RSU1: variants seen among roughly 807,000 people sequenced by gnomAD.
RSU1 encodes Ras suppressor protein 1, also known as rsu-1.
RSU1 carries 26 observed loss-of-function variants against 31.1 expected under a neutral mutation model. The ratio of observed to expected loss-of-function variants is 0.84; its 90% CI spans 0.61 to 1.16. The LOEUF is 1.16. Ranked by LOEUF, RSU1 falls within the 50% of genes most tolerant of loss-of-function variation. The probability of loss-of-function intolerance (pLI) is 0.00; values close to 1 mark genes in which losing one functional copy is unlikely to be tolerated. For synonymous variants in RSU1, 164 were observed against 136.3 expected (o/e 1.20, Z -1.41); for missense variants, 320 against 339.1 (o/e 0.94, Z 0.44).
chr10:16,691,337 T>C (rs1870149), intron 8 of RSU1, among the ~76,000 whole-genome samples: 112,869 of 149,976 alleles, frequency 0.75, 43,419 homozygotes, highest in African/African-American at 0.91. Flanking sequence ...GAAAATCAGT[T>C]TGTGTTAATC....
chr10:16,740,724 A>G (rs1005965336), intron 7 of RSU1, among the ~76,000 whole-genome samples: 5 of 152,344 alleles, frequency 3.3e-5, no homozygotes, highest in African/African-American at 1.2e-4. Flanking sequence ...TAATAGCAAC[A>G]AAAGTAATAA....
chr10:16,641,609 G>A (rs888651718), intron 8 of RSU1, among the ~76,000 whole-genome samples: 1 of 152,176 alleles, frequency 6.6e-6, no homozygotes, highest in African/African-American at 2.4e-5. Flanking sequence ...GGCTTGGGTG[G>A]GCCCATTAAT....
At chr10:16,709,862 G>C (rs2131579368) in intron 7 of RSU1, among the ~76,000 whole-genome samples, 1 of 152,122 alleles carries the variant, frequency 6.6e-6, no homozygotes, top group Non-Finnish European at 1.5e-5. Context: ...TTGTAAATTT[G>C]TTTGAGTTCA....
intron 7 of RSU1, among the ~76,000 whole-genome samples, chr10:16,751,474 C>T (rs187745574): frequency 6.6e-6 from 1 of 152,198 alleles, no homozygotes; most frequent in African/African-American, 2.4e-5. Flanking sequence ...TGCTGATAGG[C>T]GTGCTCTGTG....
chr10:16,614,594 G>C (rs1294262108), intron 8 of RSU1, among the ~76,000 whole-genome samples: 1 of 152,106 alleles, frequency 6.6e-6, no homozygotes, highest in Non-Finnish European at 1.5e-5. Context: ...TTGCATGCCT[G>C]AGCCACAGTA....
intron 8 of RSU1, among the ~76,000 whole-genome samples, chr10:16,670,952 G>A (rs895028081): frequency 1.2e-4 from 18 of 152,032 alleles, no homozygotes; most frequent in African/African-American, 4.3e-4. Flanking sequence ...TTTTAGTAGA[G>A]AAGGGGTTTC....
At chr10:16,766,209 CG>C (rs1351672434) in intron 3 of RSU1, among the ~76,000 whole-genome samples, 1 of 152,162 alleles carries the variant, frequency 6.6e-6, no homozygotes, top group African/African-American at 2.4e-5. Context: ...GCGCGAGCTC[CG>C]GAAGTGGCCG....
At chr10:16,716,579 C>G (rs1043498832) in intron 7 of RSU1, among the ~76,000 whole-genome samples, 1 of 152,110 alleles carries the variant, frequency 6.6e-6, no homozygotes, top group African/African-American at 2.4e-5. Context: ...AGACCACACT[C>G]ATCAGGTGAG....
rs141805958 is a variant in RSU1, at chr10:16,663,387, A to C, written c.731+31636T>G. ...GCAAATAAAGATGGATTACTATTTA[A>C]GGTTGTAATTTGCTTACTTGGGAGT... On this transcript the variant is annotated intron_variant, in intron 8 of 8. Transcript: ENST00000345264. Among the ~76,000 whole-genome samples, 49 of 152,324 alleles carry C rather than the reference A, an allele frequency of 3.2e-4. 1 individual carries two copies. Among genetic ancestry groups the C allele is most frequent in the African/African-American group, 1.2e-3 (49 of 41,574 alleles).
At chr10:16,692,867 G>A (rs1029924279) in intron 8 of RSU1, among the ~76,000 whole-genome samples, 3 of 152,088 alleles carry the variant, frequency 2.0e-5, no homozygotes, top group African/African-American at 7.2e-5. Flanking sequence ...TCATAGTATT[G>A]TCTAAAGTAA....
At chr10:16,775,857 T>A (rs145682157) in intron 3 of RSU1, among the ~76,000 whole-genome samples, 25 of 152,260 alleles carry the variant, frequency 1.6e-4, no homozygotes, top group Non-Finnish European at 2.9e-4. Context: ...TGCAGTAATT[T>A]AAAAAAATAA....
chr10:16,620,465 G>T (rs1001236609), intron 8 of RSU1, among the ~76,000 whole-genome samples: 1 of 151,640 alleles, frequency 6.6e-6, no homozygotes, highest in Non-Finnish European at 1.5e-5. Flanking sequence ...TACAGTGGGG[G>T]AACCAGATGT....
chr10:16,688,868 C>A (rs908894334), intron 8 of RSU1, among the ~76,000 whole-genome samples: 1 of 147,426 alleles, frequency 6.8e-6, no homozygotes, highest in South Asian at 2.1e-4. Flanking sequence ...ACTAGCCAGG[C>A]GTTGTGGTGT....
At chr10:16,812,145 CAT>C (rs1285191611) in intron 2 of RSU1, among the ~76,000 whole-genome samples, 1 of 152,296 alleles carries the variant, frequency 6.6e-6, no homozygotes, top group African/African-American at 2.4e-5. Context: ...GGAGTGAAAA[CAT>C]AAATAATTTT....
At chr10:16,665,010 C>G (rs182886697) in intron 8 of RSU1, among the ~76,000 whole-genome samples, 150 of 152,288 alleles carry the variant, frequency 9.8e-4, no homozygotes, top group Non-Finnish European at 1.8e-3. Flanking sequence ...GTGGCACGAT[C>G]TCAGTTCACT....
chr10:16,748,796 G>T (rs1377187020), intron 7 of RSU1, among the ~76,000 whole-genome samples: 10 of 152,174 alleles, frequency 6.6e-5, no homozygotes, highest in Non-Finnish European at 4.4e-5. Context: ...TCTGCATAAA[G>T]GGCACCACCC....
chr10:16,595,340 A>T (rs1382852216), intron 8 of RSU1, among the ~76,000 whole-genome samples: 2 of 152,250 alleles, frequency 1.3e-5, no homozygotes, highest in African/African-American at 4.8e-5. Flanking sequence ...TTGAAAGGCC[A>T]TACTGTATTC....
Position 16,646,022 on chromosome 10 carries a change from G to A in RSU1, c.731+49001C>T, listed in dbSNP as rs1453996785. Among the ~76,000 whole-genome samples, 20 of 72,798 alleles carry A rather than the reference G, an allele frequency of 2.7e-4. 4 individuals are homozygous for A. Among genetic ancestry groups the A allele is most frequent in the African/African-American group, 1.1e-3 (16 of 15,050 alleles). 47.8% of individuals were successfully genotyped at this position (72,798 alleles called of 152,430 possible). A position where few individuals can be genotyped will look rare whatever the true frequency, so the allele number is the denominator to read the frequency against. On this transcript the variant is annotated intron_variant, in intron 8 of 8. Transcript: ENST00000345264. ...TATATATGTGTATATACATATATGTGTATATATATGTGTATATACATATAT... is the reference window on the plus strand; with the variant it reads ...TATATATGTGTATATACATATATGTATATATATATGTGTATATACATATAT...
At chr10:16,715,551 T>G (rs577405272) in intron 7 of RSU1, among the ~76,000 whole-genome samples, 1 of 152,370 alleles carries the variant, frequency 6.6e-6, no homozygotes, top group African/African-American at 2.4e-5. Context: ...TCATCATTTC[T>G]TAACAAGACT....
Sources: gnomAD v4.1 joint callset for allele counts (sites outside exome capture counted in the v4.1 genomes callset) on GRCh38, gnomAD v4.1.1 for gene constraint, MANE v1.5 for transcripts, NCBI Gene and HGNC (gene_info 2026-07-23, HGNC 2026-07-21) for gene names.